The following PTPRD variants were observed in gnomAD, a reference collection of about 807,000 sequenced individuals.
The protein encoded by PTPRD is protein tyrosine phosphatase receptor type D.
In PTPRD, 34 loss-of-function variants were observed where a neutral mutation model predicts 214.5. The observed-to-expected ratio is 0.16, with a 90% CI of 0.12 to 0.21. The LOEUF is 0.21. Ranked by LOEUF, PTPRD falls within the 10% of genes least tolerant of loss-of-function variation. The pLI is 1.00. For missense variants in PTPRD, 2,545 were observed against 2,398.7 expected (o/e 1.06, Z -1.27); for synonymous variants, 1,128 against 845.7 (o/e 1.33, Z -5.79).
intron 3 of PTPRD, among the ~76,000 whole-genome samples, chr9:10,237,460 T>C (rs191453659): frequency 6.6e-6 from 1 of 152,048 alleles, no homozygotes; most frequent in Non-Finnish European, 1.5e-5. Context: ...AAGGGATACA[T>C]ACCAATAGGG....
chr9:8,643,356 G>A (rs973492035), intron 12 of PTPRD, among the ~76,000 whole-genome samples: 19 of 151,740 alleles, frequency 1.3e-4, no homozygotes, highest in African/African-American at 4.4e-4. Flanking sequence ...AAGGGAGGGA[G>A]GGAAGGAAGG....
At position 9,467,588 on chromosome 9, in the gene PTPRD, C is replaced by CAAAAAAAAAAAAAAAAAAAAAA. The variant is rs1176159031; in HGVS notation, c.-236-70128_-236-70107dup. ...GGCGACAGAGCGGGACTCCATCTCC[C>CAAAAAAAAAAAAAAAAAAAAAA]AAAAAAAAAAAAAAAAAAAAAAGTT... On this transcript the variant is annotated intron_variant, in intron 8 of 45. Coordinates refer to ENST00000381196, the MANE Select transcript of PTPRD (RefSeq NM_002839.4). Among the ~76,000 whole-genome samples, 58 of 55,952 alleles carry CAAAAAAAAAAAAAAAAAAAAAA rather than the reference C, an allele frequency of 1.0e-3. 3 individuals are homozygous for CAAAAAAAAAAAAAAAAAAAAAA. Among genetic ancestry groups the CAAAAAAAAAAAAAAAAAAAAAA allele is most frequent in the Non-Finnish European group, 1.2e-3 (37 of 31,158 alleles). The allele number at this position is 55,952 out of a possible 152,430, so 36.7% of individuals were successfully genotyped here.
At chr9:10,448,895 T>C (rs907670028) in intron 2 of PTPRD, among the ~76,000 whole-genome samples, 3 of 152,106 alleles carry the variant, frequency 2.0e-5, no homozygotes, top group African/African-American at 7.3e-5. Context: ...TCATGCTTTT[T>C]CAAATTTAGA....
chr9:8,712,865 C>G (rs2098372033), intron 12 of PTPRD, among the ~76,000 whole-genome samples: 1 of 152,018 alleles, frequency 6.6e-6, no homozygotes. Context: ...GCCACAGGCA[C>G]CCGCCACCAC....
intron 11 of PTPRD, among the ~76,000 whole-genome samples, chr9:8,953,080 T>C (rs920763458): frequency 2.6e-5 from 4 of 151,946 alleles, no homozygotes; most frequent in African/African-American, 9.7e-5. Context: ...GTTTTTTTTT[T>C]TAGATAAAAT....
intron 8 of PTPRD, among the ~76,000 whole-genome samples, chr9:9,454,635 G>C (rs2092728691): frequency 1.3e-5 from 2 of 151,602 alleles, no homozygotes; most frequent in African/African-American, 4.8e-5. Flanking sequence ...CCAAAACCAA[G>C]AACAGCATAC....
chr9:8,355,084 TG>T (rs1327457168), intron 39 of PTPRD, among the ~76,000 whole-genome samples: 1 of 152,064 alleles, frequency 6.6e-6, no homozygotes. Flanking sequence ...GGGAAGTGTT[TG>T]GAGCATGGGA....
chr9:8,551,129 T>G (rs944796872), intron 14 of PTPRD, among the ~76,000 whole-genome samples: 1 of 152,242 alleles, frequency 6.6e-6, no homozygotes, highest in African/African-American at 2.4e-5. Context: ...GAGTATTTTA[T>G]CTTTCTTCAT....
At chr9:10,421,915 A>G (rs1211623340) in intron 2 of PTPRD, among the ~76,000 whole-genome samples, 1 of 151,964 alleles carries the variant, frequency 6.6e-6, no homozygotes, top group Non-Finnish European at 1.5e-5. Flanking sequence ...GGAACCCAGA[A>G]AAGTAGATCC....
chr9:8,624,711 G>A (rs770591723), intron 14 of PTPRD, among the ~76,000 whole-genome samples: 9 of 151,772 alleles, frequency 5.9e-5, no homozygotes, highest in Non-Finnish European at 1.0e-4. Flanking sequence ...ATTCAGACTT[G>A]AGTAATGTGT....
chr9:9,628,498 G>C lies in PTPRD; in HGVS notation c.-286-53717C>G, dbSNP rs930071894. 7.2e-5 allele frequency among the ~76,000 whole-genome samples: 11 copies of C among 152,106 alleles called. No individual in the cohort carries two copies. In the East Asian group the frequency reaches 1.4e-3, roughly 19 times the overall value. Reference sequence around the variant, plus strand: ...CTTCTTAGCTTGCCATTGGTATCCAGGATCTGCACACAGCTGCTACACAGA... The same window carrying C: ...CTTCTTAGCTTGCCATTGGTATCCACGATCTGCACACAGCTGCTACACAGA... On this transcript the variant is annotated intron_variant, in intron 7 of 45. Coordinates refer to ENST00000381196, the MANE Select transcript of PTPRD (RefSeq NM_002839.4).
chr9:9,259,666 T>C (rs1167570126), intron 9 of PTPRD, among the ~76,000 whole-genome samples: 1 of 151,974 alleles, frequency 6.6e-6, no homozygotes, highest in Non-Finnish European at 1.5e-5. Flanking sequence ...AACTTAGTGA[T>C]GCTGCCATTA....
At chr9:10,034,796 T>TAAAGAA (rs2097148483) in intron 3 of PTPRD, among the ~76,000 whole-genome samples, 2 of 152,204 alleles carry the variant, frequency 1.3e-5, no homozygotes, top group African/African-American at 4.8e-5. Context: ...CCATGATATA[T>TAAAGAA]ATGTAACACA....
chr9:8,602,766 G>A (rs902261793), intron 14 of PTPRD, among the ~76,000 whole-genome samples: 5 of 152,108 alleles, frequency 3.3e-5, no homozygotes, highest in African/African-American at 1.2e-4. Context: ...ATAAATAAAT[G>A]AATATGGATG....
At chr9:8,774,299 C>T (rs2095368890) in intron 11 of PTPRD, among the ~76,000 whole-genome samples, 1 of 151,934 alleles carries the variant, frequency 6.6e-6, no homozygotes. Context: ...GATTCAATTG[C>T]TAATTTGAAT....
intron 14 of PTPRD, among the ~76,000 whole-genome samples, chr9:8,595,683 T>C (rs550650269): frequency 6.6e-6 from 1 of 152,354 alleles, no homozygotes; most frequent in East Asian, 1.9e-4. Flanking sequence ...GTTAGTTTAA[T>C]TCAATAAACA....
intron 3 of PTPRD, among the ~76,000 whole-genome samples, chr9:10,264,533 C>T (rs2093921613): frequency 6.6e-6 from 1 of 152,106 alleles, no homozygotes; most frequent in South Asian, 2.1e-4. Context: ...TTTGTTTTGG[C>T]CATTCTCTCC....
intron 12 of PTPRD, among the ~76,000 whole-genome samples, chr9:8,677,607 C>T (rs181061327): frequency 2.6e-5 from 4 of 152,240 alleles, no homozygotes; most frequent in South Asian, 2.1e-4. Context: ...ACCAAACTCC[C>T]GTGGCACACA....
At chr9:8,633,250 T>C in intron 14 of PTPRD, 67 bp downstream of exon 14, 6 of 1,546,652 alleles carry the variant, frequency 3.9e-6, no homozygotes, top group East Asian at 2.3e-5. Context: ...GTCTTTTCAA[T>C]GATGCTACAA....
Sources: gnomAD v4.1 joint callset for allele counts (sites outside exome capture counted in the v4.1 genomes callset) on GRCh38, gnomAD v4.1.1 for gene constraint, MANE v1.5 for transcripts, NCBI Gene and HGNC (gene_info 2026-07-23, HGNC 2026-07-21) for gene names.